The following FLRT1 variants were observed in gnomAD, a reference collection of about 807,000 sequenced individuals.
FLRT1 encodes the protein leucine-rich repeat transmembrane protein FLRT1.
Under a neutral mutation model 30.9 loss-of-function variants are expected in FLRT1, and 14 were observed. The observed-to-expected ratio is 0.45, with a 90% confidence interval of 0.30 to 0.71. FLRT1 has a LOEUF of 0.71. Ranked by LOEUF, FLRT1 falls within the 30% of genes least tolerant of loss-of-function variation. The pLI, the probability that FLRT1 is intolerant of heterozygous loss-of-function variation, is 0.08. For synonymous variants in FLRT1, 368 were observed against 430.4 expected (o/e 0.85, Z 1.80); for missense variants, 737 against 949.2 (o/e 0.78, Z 2.94).
chr11:64,038,069 C>T (rs879616977), intron 1 of FLRT1, among the ~76,000 whole-genome samples: 3 of 152,190 alleles, frequency 2.0e-5, no homozygotes, highest in African/African-American at 4.8e-5. Context: ...CATCCTCACG[C>T]TGGCCCTCAG....
At chr11:64,069,239 TCCGCAGTTCTACCTGACA>T (rs1177400702) in intron 1 of FLRT1, among the ~76,000 whole-genome samples, 16 of 152,080 alleles carry the variant, frequency 1.1e-4, no homozygotes, top group Admixed American at 1.0e-3. Context: ...TTCACCTGGA[TCCGCAGTTCTACCTGACA>T]CCGGAGACAG....
At chr11:64,060,038 A>G (rs1235204559) in intron 1 of FLRT1, among the ~76,000 whole-genome samples, 1 of 152,148 alleles carries the variant, frequency 6.6e-6, no homozygotes, top group Non-Finnish European at 1.5e-5. Flanking sequence ...GGCAGGGGGG[A>G]ATGGCGAACA....
chr11:64,108,360 G>A (rs1280570815), intron 2 of FLRT1, among the ~76,000 whole-genome samples: 1 of 151,998 alleles, frequency 6.6e-6, no homozygotes, highest in African/African-American at 2.4e-5. Flanking sequence ...CCCACAGTAG[G>A]CTGAGCAGCT....
intron 1 of FLRT1, among the ~76,000 whole-genome samples, chr11:64,092,660 C>T (rs978249588): frequency 6.6e-5 from 10 of 152,244 alleles, no homozygotes; most frequent in Non-Finnish European, 1.2e-4. Context: ...CAGCCACCAG[C>T]TGGGTACCAG....
At chr11:64,055,442 A>G (rs1943767478) in intron 1 of FLRT1, among the ~76,000 whole-genome samples, 1 of 152,194 alleles carries the variant, frequency 6.6e-6, no homozygotes, top group African/African-American at 2.4e-5. Flanking sequence ...AGCTAGTGGC[A>G]GGGCAGGTAG....
At chr11:64,099,453 T>C (rs1430479758) in intron 1 of FLRT1, among the ~76,000 whole-genome samples, 1 of 151,866 alleles carries the variant, frequency 6.6e-6, no homozygotes, top group Non-Finnish European at 1.5e-5. Context: ...GATGGAGAAA[T>C]GGATAGGTGG....
chr11:64,061,717 T>G (rs1229793924), intron 1 of FLRT1, among the ~76,000 whole-genome samples: 2 of 150,678 alleles, frequency 1.3e-5, no homozygotes, highest in Non-Finnish European at 2.9e-5. Context: ...TTTTTTTTTT[T>G]GAGATAGGGT....
intron 1 of FLRT1, among the ~76,000 whole-genome samples, chr11:64,069,800 A>G (rs1472678056): frequency 6.6e-6 from 1 of 152,256 alleles, no homozygotes; most frequent in Non-Finnish European, 1.5e-5. Flanking sequence ...CTGCAGACGC[A>G]GCAGACGCAA....
chr11:64,045,272 G>C (rs533687587), intron 1 of FLRT1, among the ~76,000 whole-genome samples: 55 of 152,198 alleles, frequency 3.6e-4, no homozygotes, highest in Non-Finnish European at 3.7e-4. Context: ...GCGGCCTGCC[G>C]TCACAGAGCA....
chr11:64,116,096 C>T, intron 2 of FLRT1, 123 bp from the exon 3 acceptor site: 1 of 1,012,520 alleles, frequency 9.9e-7, no homozygotes, highest in Non-Finnish European at 1.4e-6. Context: ...TGACCTCACC[C>T]CGCAGGACCG....
chr11:64,096,210 G>A lies in FLRT1; in HGVS notation c.-1037-6984G>A, dbSNP rs1021804782. Among the ~76,000 whole-genome samples, 2 of 152,216 alleles carry A rather than the reference G, an allele frequency of 1.3e-5. No homozygotes were observed. Among genetic ancestry groups the A allele is most frequent in the African/African-American group, 2.4e-5 (1 of 41,460 alleles). On this transcript the variant is annotated intron_variant, in intron 1 of 2. Transcript: ENST00000682287. This position sits in a 1 kb window ranked among gnomAD's most constrained non-coding sequence, Gnocchi z 4.6. The stretch of plus-strand genomic sequence containing the variant: ...AAGGGCCAGCCAAGAGCACTGTGAC[G>A]GGCAGGCAGGGGGTCGAACAGCCAC...
intron 2 of FLRT1, among the ~76,000 whole-genome samples, chr11:64,112,293 C>T (rs889219158): frequency 1.3e-5 from 2 of 152,112 alleles, no homozygotes; most frequent in African/African-American, 4.8e-5. Context: ...GGAGGTGGAT[C>T]ACGAGGTCAA....
chr11:64,063,060 G>A (rs959275314), intron 1 of FLRT1, among the ~76,000 whole-genome samples: 2 of 152,220 alleles, frequency 1.3e-5, no homozygotes, highest in Admixed American at 6.5e-5. Context: ...ACCATGCCTG[G>A]TGACAGTCGT....
intron 1 of FLRT1, among the ~76,000 whole-genome samples, chr11:64,087,426 G>A (rs997777719): frequency 4.6e-5 from 7 of 152,270 alleles, no homozygotes; most frequent in East Asian, 1.9e-4. Context: ...TCCGGGGTGC[G>A]TCTGCCTCCC....
chr11:64,087,609 C>T (rs1455248309), intron 1 of FLRT1, among the ~76,000 whole-genome samples: 1 of 152,230 alleles, frequency 6.6e-6, no homozygotes, highest in Admixed American at 6.5e-5. Flanking sequence ...GCCTGCAAGG[C>T]TGGCCTTGCC....
intron 1 of FLRT1, among the ~76,000 whole-genome samples, chr11:64,050,064 A>G (rs1167499737): frequency 1.3e-5 from 2 of 151,798 alleles, no homozygotes; most frequent in Non-Finnish European, 2.9e-5. Context: ...GTGATGGCCT[A>G]CTCTTCCCTC....
chr11:64,037,849 C>CT (rs1449781513), intron 1 of FLRT1, among the ~76,000 whole-genome samples: 31 of 152,224 alleles, frequency 2.0e-4, no homozygotes, highest in African/African-American at 7.0e-4. Flanking sequence ...CTCCCTGTGC[C>CT]TCAGTTTCCC....
intron 1 of FLRT1, among the ~76,000 whole-genome samples, chr11:64,080,685 TGAG>T (rs1480338996): frequency 6.6e-6 from 1 of 152,280 alleles, no homozygotes; most frequent in African/African-American, 2.4e-5. Flanking sequence ...CCTCAACTAC[TGAG>T]GACCTCTCAG....
intron 1 of FLRT1, among the ~76,000 whole-genome samples, chr11:64,072,431 A>T (rs923157940): frequency 2.0e-5 from 3 of 151,358 alleles, no homozygotes; most frequent in African/African-American, 7.3e-5. Context: ...TTTAAAAAAA[A>T]AAAAATAATA....
Sources: allele counts gnomAD v4.1 joint callset (sites outside exome capture counted in the v4.1 genomes callset), GRCh38; gene constraint gnomAD v4.1.1; non-coding constraint Gnocchi (gnomAD v3.1); transcripts MANE v1.5; gene names NCBI Gene and HGNC (gene_info 2026-07-23, HGNC 2026-07-21).